POLA2: variants seen among roughly 807,000 people sequenced by gnomAD.
POLA2 encodes the protein DNA polymerase alpha 2, accessory subunit.
A neutral mutation model predicts 82.8 loss-of-function variants in POLA2; 47 were observed. That is an observed-to-expected ratio of 0.57 (90% CI 0.45 to 0.72). The LOEUF (loss-of-function observed/expected upper bound fraction) is 0.72, where lower values mean the gene tolerates loss of function less well. Ranked by LOEUF, POLA2 falls within the 30% of genes least tolerant of loss-of-function variation. The pLI is 0.00. For missense variants in POLA2, 634 were observed against 728.1 expected, an observed-to-expected ratio of 0.87 and a Z score of 1.49; for synonymous variants, 287 against 286.8, an observed-to-expected ratio of 1.00 and a Z score of -0.01.
intron 1 of POLA2, among the ~76,000 whole-genome samples, chr11:65,265,238 AG>A (rs541916063): frequency 6.2e-4 from 91 of 146,482 alleles, no homozygotes; most frequent in South Asian, 1.8e-3. Flanking sequence ...CAAAAAAAAA[AG>A]GGGGGGGGCC....
chr11:65,294,478 C>T, intron 14 of POLA2, 68 bp from the exon 15 acceptor site: 1 of 1,395,072 alleles, frequency 7.2e-7, no homozygotes, highest in Non-Finnish European at 1.0e-6. Context: ...CAGACAACCC[C>T]CACTTTCATG....
At chr11:65,267,607 T>A (rs1301313273) in intron 3 of POLA2, 39 bp downstream of exon 3, 1 of 1,275,338 alleles carries the variant, frequency 7.8e-7, no homozygotes, top group Non-Finnish European at 1.1e-6. Context: ...CCAAGCTACA[T>A]GTTGTATTTT....
chr11:65,283,598 T>C (rs925583839), intron 10 of POLA2, among the ~76,000 whole-genome samples: 1 of 151,894 alleles, frequency 6.6e-6, no homozygotes, highest in African/African-American at 2.4e-5. Flanking sequence ...GCCTCCTAAG[T>C]AGCTGGGATT....
At chr11:65,268,146 G>A (rs1202661286) in intron 3 of POLA2, among the ~76,000 whole-genome samples, 1 of 151,830 alleles carries the variant, frequency 6.6e-6, no homozygotes, top group Non-Finnish European at 1.5e-5. Context: ...ATGTACGCCT[G>A]TAGATCCAGC....
At chr11:65,299,559 C>G (rs982369586), downstream of POLA2, among the ~76,000 whole-genome samples, 4 of 152,240 alleles carry the variant, frequency 2.6e-5, no homozygotes, top group African/African-American at 9.6e-5. Flanking sequence ...GGCGCGGATC[C>G]TCCATCCAGC....
chr11:65,295,831 G>A (rs750962429), intron 16 of POLA2, 33 bp from the exon 17 acceptor site: 13 of 1,598,224 alleles, frequency 8.1e-6, no homozygotes, highest in Non-Finnish European at 1.0e-5. Flanking sequence ...CCCCCGGTCA[G>A]CTAGTGCTGA....
chr11:65,290,397 G>T (rs1318838102), intron 13 of POLA2, among the ~76,000 whole-genome samples: 1 of 152,010 alleles, frequency 6.6e-6, no homozygotes, highest in Non-Finnish European at 1.5e-5. Context: ...TTAGCTGGGC[G>T]TGGTGGCACA....
intron 1 of POLA2, among the ~76,000 whole-genome samples, chr11:65,265,385 CATCTT>C (rs1319843189): frequency 6.6e-6 from 1 of 152,210 alleles, no homozygotes; most frequent in Non-Finnish European, 1.5e-5. Flanking sequence ...TTTCAGTCCT[CATCTT>C]GAATTGAATT....
chr11:65,262,227 C>A lies in POLA2; in HGVS notation c.-66C>A. 7.7e-7 allele frequency: 1 copy of A among 1,293,352 alleles called. No homozygotes were observed. Among genetic ancestry groups the A allele is most frequent in the Non-Finnish European group, 1.1e-6 (1 of 904,588 alleles). 80.1% of individuals were successfully genotyped at this position (1,293,352 alleles called of 1,614,324 possible). On this transcript the variant is annotated 5_prime_UTR_variant, in exon 1 of 18. Transcript: ENST00000265465. ...CGAGGAGCTCATCGCTCGCCACCCC[C>A]GTGGGCTTCTTGGGCGCAGGTCGGA...
chr11:65,283,135 A>C (rs1378429533), intron 10 of POLA2, among the ~76,000 whole-genome samples: 1 of 152,214 alleles, frequency 6.6e-6, no homozygotes, highest in Admixed American at 6.5e-5. Context: ...TGACTCTTAA[A>C]AAAAATTAAA....
intron 5 of POLA2, among the ~76,000 whole-genome samples, chr11:65,278,116 G>A (rs1186635537): frequency 3.3e-5 from 5 of 152,160 alleles, no homozygotes; most frequent in Non-Finnish European, 7.3e-5. Context: ...GTTCTTAGAG[G>A]TATAATTTAC....
At chr11:65,262,469 C>A in intron 1 of POLA2, 98 bp downstream of exon 1, 1 of 967,394 alleles carries the variant, frequency 1.0e-6, no homozygotes, top group Non-Finnish European at 1.6e-6. Context: ...CCAATTTCCA[C>A]TTCCCCTGGA....
At chr11:65,279,483 C>A in intron 6 of POLA2, 55 bp from the exon 7 acceptor site, 1 of 1,158,786 alleles carries the variant, frequency 8.6e-7, no homozygotes, top group Non-Finnish European at 1.3e-6. Context: ...ATTTTCTCTT[C>A]TTGGCAAGTG....
chr11:65,265,143 C>T (rs141768551), intron 1 of POLA2, among the ~76,000 whole-genome samples: 1,965 of 151,706 alleles, frequency 0.013, 52 homozygotes, highest in African/African-American at 0.046. Context: ...ACAGGAGAAT[C>T]GCTTGAATCG....
At chr11:65,290,624 A>G (rs891611894) in intron 13 of POLA2, among the ~76,000 whole-genome samples, 1 of 152,176 alleles carries the variant, frequency 6.6e-6, no homozygotes, top group Non-Finnish European at 1.5e-5. Context: ...GTGCAAGTTA[A>G]GAGGCATCTC....
intron 13 of POLA2, among the ~76,000 whole-genome samples, chr11:65,291,621 C>T (rs1471847845): frequency 6.6e-6 from 1 of 152,154 alleles, no homozygotes; most frequent in Non-Finnish European, 1.5e-5. Context: ...TTTTGTCAGC[C>T]CTTGGGGATA....
chr11:65,268,361 T>TA (rs1949485235), intron 3 of POLA2, among the ~76,000 whole-genome samples: 1 of 151,402 alleles, frequency 6.6e-6, no homozygotes, highest in Non-Finnish European at 1.5e-5. Flanking sequence ...ATTATTATTT[T>TA]TTTTTTTTGA....
At chr11:65,269,917 C>T (rs534476406) in intron 4 of POLA2, among the ~76,000 whole-genome samples, 347 of 152,306 alleles carry the variant, frequency 2.3e-3, no homozygotes, top group African/African-American at 8.2e-3. Context: ...TCACTGCAAC[C>T]TCCGCCTCCC....
At chr11:65,288,970 C>A (rs1418773745) in intron 11 of POLA2, 80 bp from the exon 12 acceptor site, 2 of 1,306,696 alleles carry the variant, frequency 1.5e-6, no homozygotes, top group Admixed American at 3.4e-5. Context: ...AGAGAACTGC[C>A]AGAGGAGGTA....
Sources: allele counts gnomAD v4.1 joint callset (sites outside exome capture counted in the v4.1 genomes callset), GRCh38; gene constraint gnomAD v4.1.1; transcripts MANE v1.5; gene names NCBI Gene and HGNC (gene_info 2026-07-23, HGNC 2026-07-21).